RNF150: variants seen among roughly 807,000 people sequenced by gnomAD.
RNF150 encodes ring finger protein 150.
RNF150 carries 24 observed loss-of-function variants against 39.3 expected under a neutral mutation model. That is an observed-to-expected ratio of 0.61 (90% CI 0.44 to 0.86). The LOEUF (loss-of-function observed/expected upper bound fraction) is 0.86. Among genes scored for constraint, RNF150 ranks in the 40% least tolerant of loss-of-function variants. The pLI, the probability that RNF150 is intolerant of heterozygous loss-of-function variation, is 0.00. For missense variants in RNF150, 502 were observed against 587.8 expected (o/e 0.85, Z 1.51); for synonymous variants, 255 against 227.3 (o/e 1.12, Z -1.10).
intron 1 of RNF150, among the ~76,000 whole-genome samples, chr4:140,981,029 C>T (rs964729524): frequency 6.6e-6 from 1 of 152,118 alleles, no homozygotes; most frequent in Non-Finnish European, 1.5e-5. Context: ...GTGAGAGATT[C>T]CTTTATTAAA....
intron 1 of RNF150, among the ~76,000 whole-genome samples, chr4:141,038,215 A>C (rs547492241): frequency 2.6e-5 from 4 of 152,234 alleles, no homozygotes; most frequent in African/African-American, 9.6e-5. Context: ...AACTGCCCTC[A>C]ATCTCTGGAA....
chr4:141,008,962 T>G (rs1734968121), intron 1 of RNF150, among the ~76,000 whole-genome samples: 1 of 152,210 alleles, frequency 6.6e-6, no homozygotes, highest in Non-Finnish European at 1.5e-5. Context: ...ATGATGTGCT[T>G]GGGTTTTCAT....
At chr4:140,873,064 G>C (rs1239736922) in intron 6 of RNF150, among the ~76,000 whole-genome samples, 1 of 152,212 alleles carries the variant, frequency 6.6e-6, no homozygotes, top group African/African-American at 2.4e-5. Flanking sequence ...ACCCAAACTG[G>C]TGACCCTTGA....
chr4:141,013,215 T>C (rs1735140035), intron 1 of RNF150, among the ~76,000 whole-genome samples: 1 of 152,232 alleles, frequency 6.6e-6, no homozygotes, highest in South Asian at 2.1e-4. Context: ...GGTGAGATTA[T>C]GTGATGGCTC....
intron 2 of RNF150, among the ~76,000 whole-genome samples, chr4:140,951,901 T>C (rs1345722853): frequency 6.6e-6 from 1 of 151,946 alleles, no homozygotes; most frequent in Non-Finnish European, 1.5e-5. Flanking sequence ...TATATAATAT[T>C]GCACCTAATT....
intron 1 of RNF150, among the ~76,000 whole-genome samples, chr4:141,194,839 T>G (rs1728171127): frequency 6.6e-6 from 1 of 152,196 alleles, no homozygotes; most frequent in Non-Finnish European, 1.5e-5. Flanking sequence ...ATCCTAACTC[T>G]GCTACTTACT....
At chr4:141,189,958 C>T (rs907205602) in intron 1 of RNF150, among the ~76,000 whole-genome samples, 17 of 152,166 alleles carry the variant, frequency 1.1e-4, no homozygotes, top group African/African-American at 3.6e-4. Flanking sequence ...AAAAATACTC[C>T]TGCAGGTAGC....
intron 4 of RNF150, among the ~76,000 whole-genome samples, chr4:140,930,335 C>T (rs984509396): frequency 5.9e-5 from 9 of 152,210 alleles, no homozygotes; most frequent in Admixed American, 3.9e-4. Context: ...GAAATCTCCA[C>T]CTGTATCTAT....
At chr4:140,935,704 T>C (rs62325698) in intron 4 of RNF150, among the ~76,000 whole-genome samples, 2,896 of 152,344 alleles carry the variant, frequency 0.019, 26 homozygotes, top group East Asian at 0.044. Flanking sequence ...AGAAATACTG[T>C]GTAATTTTTA....
intron 1 of RNF150, among the ~76,000 whole-genome samples, chr4:141,161,423 A>G (rs1407031041): frequency 2.0e-5 from 3 of 152,224 alleles, no homozygotes; most frequent in Non-Finnish European, 4.4e-5. Flanking sequence ...CTTATATTTA[A>G]AGGGGAAGCA....
intron 1 of RNF150, among the ~76,000 whole-genome samples, chr4:141,204,619 T>C (rs996059062): frequency 1.3e-5 from 2 of 152,142 alleles, no homozygotes; most frequent in African/African-American, 2.4e-5. Flanking sequence ...CAAACTGAGG[T>C]TATTGTCAGG....
At position 140,862,184 on chromosome 4, in the gene RNF150, G is replaced by A. The variant is rs1460521932; in HGVS notation, c.*6077C>T. 1 of 152,132 alleles carries A rather than the reference G, an allele frequency of 6.6e-6. No homozygotes were observed. Among genetic ancestry groups the A allele is most frequent in the African/African-American group, 2.4e-5 (1 of 41,422 alleles). 9.4% of individuals were successfully genotyped at this position (152,132 alleles called of 1,614,324 possible). A position where few individuals can be genotyped will look rare whatever the true frequency, so the allele number is the denominator to read the frequency against. The stretch of plus-strand genomic sequence containing the variant: ...AATGACTTTGGGTAATTGAGATTAA[G>A]CGACCTTCTCTAAGGATTTTTCTCC... On this transcript the variant is annotated 3_prime_UTR_variant, in exon 7 of 7. Coordinates refer to ENST00000515673, the MANE Select transcript of RNF150 (RefSeq NM_020724.2).
chr4:140,944,974 T>C (rs1402164397), intron 4 of RNF150, among the ~76,000 whole-genome samples: 1 of 152,202 alleles, frequency 6.6e-6, no homozygotes, highest in Non-Finnish European at 1.5e-5. Flanking sequence ...TAAAAATACC[T>C]TGATTTTAAA....
intron 1 of RNF150, among the ~76,000 whole-genome samples, chr4:140,969,381 GT>G (rs1733370343): frequency 6.6e-6 from 1 of 152,102 alleles, no homozygotes; most frequent in African/African-American, 2.4e-5. Context: ...ACTGAAAGTG[GT>G]GGCTCGATTT....
intron 6 of RNF150, among the ~76,000 whole-genome samples, chr4:140,892,897 A>C (rs1197566289): frequency 1.1e-5 from 1 of 95,080 alleles, no homozygotes; most frequent in African/African-American, 4.0e-5. Flanking sequence ...CCCATCTCTT[A>C]AAAAAAAAAT....
chr4:141,176,202 G>A (rs1183540357), intron 1 of RNF150, among the ~76,000 whole-genome samples: 1 of 151,930 alleles, frequency 6.6e-6, no homozygotes, highest in Non-Finnish European at 1.5e-5. Context: ...CCAGGCTCTT[G>A]TGATTCTTAA....
chr4:140,907,140 A>G (rs1419487212), intron 6 of RNF150, among the ~76,000 whole-genome samples: 1 of 152,124 alleles, frequency 6.6e-6, no homozygotes, highest in Non-Finnish European at 1.5e-5. Context: ...AGCAAACCCA[A>G]CAATCTGCAT....
chr4:140,865,207 G>A lies in RNF150; in HGVS notation c.*3054C>T, dbSNP rs1048679552. ...TGTCATTAATTTACATTAGTGACATGTTGAAACAATATTAGGTTAAAGTAC... is the reference window on the plus strand; with the variant it reads ...TGTCATTAATTTACATTAGTGACATATTGAAACAATATTAGGTTAAAGTAC... On this transcript the variant is annotated 3_prime_UTR_variant, in exon 7 of 7. Transcript: ENST00000515673. The A allele has an allele frequency of 1.3e-5, 2 of 152,152 alleles. No individual in the cohort carries two copies. The highest frequency in any genetic ancestry group is 4.8e-5 in the African/African-American group (2 of 41,422). 9.4% of individuals were successfully genotyped at this position (152,152 alleles called of 1,614,324 possible). A position where few individuals can be genotyped will look rare whatever the true frequency, so the allele number is the denominator to read the frequency against.
chr4:141,102,510 G>A (rs1739048080), intron 1 of RNF150, among the ~76,000 whole-genome samples: 2 of 152,160 alleles, frequency 1.3e-5, no homozygotes, highest in African/African-American at 4.8e-5. Flanking sequence ...TATTAAAAGA[G>A]AGGAAGATAA....
Sources: gnomAD v4.1 joint callset for allele counts (sites outside exome capture counted in the v4.1 genomes callset) on GRCh38, gnomAD v4.1.1 for gene constraint, MANE v1.5 for transcripts, NCBI Gene and HGNC (gene_info 2026-07-23, HGNC 2026-07-21) for gene names.